Variants in SCLT1 observed in about 807,000 individuals in gnomAD.
The protein encoded by SCLT1 is sodium channel-associated protein 1.
SCLT1 carries 78 observed loss-of-function variants against 112.8 expected under a neutral mutation model. That is an observed-to-expected ratio of 0.69 (90% confidence interval 0.58 to 0.83). The LOEUF (loss-of-function observed/expected upper bound fraction) is 0.83, where lower values mean the gene tolerates loss of function less well. Ranked by LOEUF, SCLT1 falls within the 40% of genes least tolerant of loss-of-function variation. SCLT1 has a pLI of 0.00. For missense variants in SCLT1, 747 were observed against 770.4 expected (o/e 0.97, Z 0.36); for synonymous variants, 257 against 254.7 (o/e 1.01, Z -0.09).
chr4:128,930,916 T>C (rs1736705416), intron 18 of SCLT1, among the ~76,000 whole-genome samples: 2 of 152,054 alleles, frequency 1.3e-5, no homozygotes, highest in Admixed American at 6.6e-5. Flanking sequence ...AAAAAAGAAT[T>C]TGATAAGATC....
chr4:129,048,684 GA>G (rs1220733328), intron 2 of SCLT1, among the ~76,000 whole-genome samples: 1 of 152,098 alleles, frequency 6.6e-6, no homozygotes, highest in African/African-American at 2.4e-5. Context: ...CCCTCACAGT[GA>G]ACAGGCAACC....
At chr4:129,011,507 T>C (rs1343261655) in intron 5 of SCLT1, among the ~76,000 whole-genome samples, 2 of 152,172 alleles carry the variant, frequency 1.3e-5, no homozygotes, top group African/African-American at 2.4e-5. Flanking sequence ...TTGGTTACTG[T>C]AGCCCTGAAG....
chr4:128,947,548 T>G (rs1050833709), intron 15 of SCLT1, among the ~76,000 whole-genome samples: 5 of 152,222 alleles, frequency 3.3e-5, no homozygotes, highest in Non-Finnish European at 5.9e-5. Flanking sequence ...AAACTCTGAC[T>G]CTACCATTTA....
Position 128,999,795 on chromosome 4 carries a change from C to A in SCLT1, c.427-1G>T. ...AGAGTTCCACAGCCTGAGTTTTTTC[C>A]TATTAAAAAAGTTTGATAACTCATT... is the stretch of plus-strand genomic sequence containing the variant. On this transcript the variant is annotated splice_acceptor_variant, in intron 6 of 20. Transcript: ENST00000281142. LOFTEE classifies it high-confidence loss of function. 6.3e-7 allele frequency: 1 copy of A among 1,591,318 alleles called. No homozygotes were observed. Among genetic ancestry groups the A allele is most frequent in the South Asian group, 1.1e-5 (1 of 87,160 alleles).
chr4:128,873,264 A>G (rs1348896176), intron 5 of SCLT1: 1 of 149,550 alleles, frequency 6.7e-6, no homozygotes, highest in Non-Finnish European at 1.5e-5. Context: ...AGGAAAAAAA[A>G]AAAAAAAAGA....
rs538493994 is a variant in SCLT1, at chr4:129,092,972, A to G, written c.34+98T>C. 3 of 916,194 alleles carry G rather than the reference A, an allele frequency of 3.3e-6. No individual in the cohort carries two copies. In the East Asian group the frequency reaches 7.2e-5, roughly 22 times the overall value. 56.8% of individuals were successfully genotyped at this position (916,194 alleles called of 1,614,324 possible). A position where few individuals can be genotyped will look rare whatever the true frequency, so the allele number is the denominator to read the frequency against. The stretch of plus-strand genomic sequence containing the variant: ...AACTAACTTCTTTAACTCTTTACCA[A>G]TTTAAATGTACCCAACCAGCATTCA... On this transcript the variant is annotated intron_variant, in intron 1 of 20. Transcript: ENST00000281142.
At chr4:129,054,022 T>C (rs980419766) in intron 2 of SCLT1, among the ~76,000 whole-genome samples, 1 of 152,174 alleles carries the variant, frequency 6.6e-6, no homozygotes, top group African/African-American at 2.4e-5. Context: ...AAGTTTAGTT[T>C]GGCTGGATAT....
rs1733057426 is a variant in SCLT1 at position 128,888,438 on chromosome 4, G to C, written c.2004+241C>G. On this transcript the variant is annotated intron_variant, in intron 20 of 20. Transcript: ENST00000281142. ...TTGCCATGTTTTGCAGGATGGTCTT[G>C]AACTCCTGGCCTCAAGTGATCCTCC... 1.3e-5 allele frequency among the ~76,000 whole-genome samples: 2 copies of C among 152,084 alleles called. 1 individual carries two copies. The highest frequency in any genetic ancestry group is 4.1e-4 in the South Asian group (2 of 4,826).
chr4:128,986,330 C>T (rs1236672900), intron 9 of SCLT1, among the ~76,000 whole-genome samples: 1 of 152,168 alleles, frequency 6.6e-6, no homozygotes, highest in Non-Finnish European at 1.5e-5. Context: ...GGGAGAAAAC[C>T]AAGTCTTTGC....
intron 9 of SCLT1, among the ~76,000 whole-genome samples, chr4:128,989,972 CAAAGA>C (rs1299591505): frequency 6.6e-6 from 1 of 151,614 alleles, no homozygotes; most frequent in Non-Finnish European, 1.5e-5. Context: ...AATCTCCCAT[CAAAGA>C]AAAGACTAGG....
intron 1 of SCLT1, among the ~76,000 whole-genome samples, chr4:129,092,094 C>T (rs1230529271): frequency 6.6e-6 from 1 of 152,114 alleles, no homozygotes; most frequent in Non-Finnish European, 1.5e-5. Flanking sequence ...ATGCATATTC[C>T]CCGTAAAAAT....
chr4:129,015,589 A>T (rs1307534636), intron 5 of SCLT1, among the ~76,000 whole-genome samples: 3 of 152,122 alleles, frequency 2.0e-5, no homozygotes, highest in Non-Finnish European at 4.4e-5. Context: ...ATGCTCCACT[A>T]CATATGCTCC....
intron 9 of SCLT1, among the ~76,000 whole-genome samples, chr4:128,980,359 T>G (rs1324057723): frequency 6.6e-6 from 1 of 151,088 alleles, no homozygotes; most frequent in South Asian, 2.1e-4. Flanking sequence ...TATATAAAAA[T>G]TATCAGCACA....
intron 18 of SCLT1, among the ~76,000 whole-genome samples, chr4:128,923,244 G>A (rs1235420757): frequency 2.0e-5 from 3 of 152,058 alleles, no homozygotes; most frequent in Non-Finnish European, 2.9e-5. Context: ...TCAGGAGTTT[G>A]AGACCAGCCT....
intron 5 of SCLT1, among the ~76,000 whole-genome samples, chr4:129,025,425 C>A (rs1745959670): frequency 6.6e-6 from 1 of 152,114 alleles, no homozygotes; most frequent in South Asian, 2.1e-4. Context: ...ATTTTCAACC[C>A]AGAATTTCAT....
chr4:129,027,149 C>T (rs139907008), intron 5 of SCLT1, among the ~76,000 whole-genome samples: 109,515 of 151,894 alleles, frequency 0.72, 41,518 homozygotes, highest in South Asian at 0.89. Context: ...CCATTCCTTC[C>T]GAAACTATTC....
chr4:128,911,020 T>C (rs1455991896), intron 18 of SCLT1, among the ~76,000 whole-genome samples: 2 of 152,104 alleles, frequency 1.3e-5, no homozygotes, highest in African/African-American at 4.8e-5. Flanking sequence ...TCCCAGCACT[T>C]TGGAAGGCCA....
Position 128,914,403 on chromosome 4 carries a change from A to C in SCLT1, c.1829+22252T>G, listed in dbSNP as rs369823492. Among the ~76,000 whole-genome samples the C allele has an allele frequency of 9.9e-4, 150 of 152,228 alleles. 2 individuals are homozygous for C. Among genetic ancestry groups the C allele is most frequent in the Non-Finnish European group, 1.8e-3 (121 of 68,020 alleles). On this transcript the variant is annotated intron_variant, in intron 18 of 20. Transcript: ENST00000281142. The stretch of plus-strand genomic sequence containing the variant: ...ACTAGTAATATTATCTTTTATTGTA[A>C]TAAAAAATCCTTAATGTGATAGATG...
At chr4:128,954,454 C>T (rs1328324848) in intron 13 of SCLT1, among the ~76,000 whole-genome samples, 2 of 151,814 alleles carry the variant, frequency 1.3e-5, no homozygotes, top group African/African-American at 2.4e-5. Flanking sequence ...GCTGGGACTA[C>T]AGGCACCTGC....
Sources: allele counts gnomAD v4.1 joint callset (sites outside exome capture counted in the v4.1 genomes callset), GRCh38; gene constraint gnomAD v4.1.1; transcripts MANE v1.5; gene names NCBI Gene and HGNC (gene_info 2026-07-23, HGNC 2026-07-21).